Variants in CEP97 observed in about 807,000 individuals in gnomAD.
CEP97 encodes the protein centrosomal protein of 97 kDa.
A neutral mutation model predicts 73.1 loss-of-function variants in CEP97; 43 were observed. The ratio of observed to expected loss-of-function variants is 0.59; its 90% CI spans 0.46 to 0.76. CEP97 has a LOEUF of 0.76. Ranked by LOEUF, CEP97 falls within the 30% of genes least tolerant of loss-of-function variation. CEP97 has a pLI of 0.00. For synonymous variants in CEP97, 337 were observed against 370.0 expected (o/e 0.91, Z 1.02); for missense variants, 939 against 1,014.0 (o/e 0.93, Z 1.00).
Position 101,758,307 on chromosome 3 carries a change from C to G in CEP97, c.1701C>G (p.Ala567=). Residue 567 remains alanine (A), a synonymous_variant, in exon 9 of 11, where the codon GCC becomes GCG. Transcript: ENST00000341893. The part of the protein sequence containing the change: ...KLNDAATKLQ[A]CWRGFYARNY... ...ATGATGCAGCCACCAAGCTTCAGGC[C>G]TGTTGGCGGGGATTTTATGCCAGGA... The G allele has an allele frequency of 6.2e-7, 1 of 1,614,212 alleles. No individual in the cohort carries two copies. Among genetic ancestry groups the G allele is most frequent in the Non-Finnish European group, 8.5e-7 (1 of 1,180,036 alleles).
At chr3:101,753,898 G>A (rs956123333) in intron 6 of CEP97, among the ~76,000 whole-genome samples, 1 of 152,192 alleles carries the variant, frequency 6.6e-6, no homozygotes, top group Non-Finnish European at 1.5e-5. Context: ...TGCGCACGGT[G>A]CGCTGCACCC....
Position 101,768,230 on chromosome 3 carries a change from C to T in CEP97, c.*2679C>T, listed in dbSNP as rs904709011. ...TTGTTTCAAAGATGAAACTAAAGCACAGCATGTTAAATGACTTGTCTAAGT... is the reference window on the plus strand; with the variant it reads ...TTGTTTCAAAGATGAAACTAAAGCATAGCATGTTAAATGACTTGTCTAAGT... On this transcript the variant is annotated 3_prime_UTR_variant, in exon 11 of 11. Transcript: ENST00000341893. 6.6e-6 allele frequency: 1 copy of T among 152,182 alleles called. No homozygotes were observed. The highest frequency in any genetic ancestry group is 6.5e-5 in the Admixed American group (1 of 15,272). The allele number at this position is 152,182 out of a possible 1,614,324, so 9.4% of individuals were successfully genotyped here. A position where few individuals can be genotyped will look rare whatever the true frequency, so the allele number is the denominator to read the frequency against.
At chr3:101,746,086 CATT>C (rs1938605497) in intron 6 of CEP97, among the ~76,000 whole-genome samples, 1 of 152,174 alleles carries the variant, frequency 6.6e-6, no homozygotes, top group East Asian at 1.9e-4. Context: ...GACATGAACT[CATT>C]ATTTTTTATG....
chr3:101,732,457 T>C (rs1233201297), intron 5 of CEP97, 31 bp from the exon 6 acceptor site: 11 of 1,550,420 alleles, frequency 7.1e-6, no homozygotes, highest in African/African-American at 1.4e-5. Flanking sequence ...TGAATAGTCC[T>C]TTTGTTCAAC....
intron 6 of CEP97, among the ~76,000 whole-genome samples, chr3:101,751,879 G>C (rs1269492609): frequency 6.6e-6 from 1 of 152,074 alleles, no homozygotes; most frequent in African/African-American, 2.4e-5. Flanking sequence ...TTGCCAGTCT[G>C]TGTCTTTTAA....
chr3:101,724,834 G>T lies in CEP97; in HGVS notation c.43+115G>T, dbSNP rs979409201. 20 of 1,106,092 alleles carry T rather than the reference G, an allele frequency of 1.8e-5. No individual in the cohort carries two copies. The African/African-American group carries it at 3.0e-4, about 17-fold the overall frequency. The allele number at this position is 1,106,092 out of a possible 1,614,324, so 68.5% of individuals were successfully genotyped here. On this transcript the variant is annotated intron_variant, in intron 1 of 10. Transcript: ENST00000341893. ...GTTCTGGACCAGTTCTTTTGATGCGGATCTGTGGTCGTCGCGGAGGCGGGC... is the reference window on the plus strand; with the variant it reads ...GTTCTGGACCAGTTCTTTTGATGCGTATCTGTGGTCGTCGCGGAGGCGGGC...
rs568538909 is a variant in CEP97, at chr3:101,760,870, A to T, written c.1818-1615A>T. On this transcript the variant is annotated intron_variant, in intron 9 of 10. Transcript: ENST00000341893. ...TTATTTTTATTTTTTATCTAAAAAAATTTTTTTTTGAGATGGAGTCTTGCT... is the reference window on the plus strand; with the variant it reads ...TTATTTTTATTTTTTATCTAAAAAATTTTTTTTTTGAGATGGAGTCTTGCT... Among the ~76,000 whole-genome samples, 57 of 151,084 alleles carry T rather than the reference A, an allele frequency of 3.8e-4. No individual in the cohort carries two copies. The South Asian group carries it at 8.8e-3, about 23-fold the overall frequency.
At chr3:101,735,335 G>A (rs1055403406) in intron 6 of CEP97, among the ~76,000 whole-genome samples, 2 of 152,136 alleles carry the variant, frequency 1.3e-5, no homozygotes, top group African/African-American at 2.4e-5. Context: ...GGAAGAGTGG[G>A]CTCCCACTTG....
chr3:101,752,246 G>A (rs1938852162), intron 6 of CEP97, among the ~76,000 whole-genome samples: 1 of 152,204 alleles, frequency 6.6e-6, no homozygotes, highest in African/African-American at 2.4e-5. Context: ...GGCTTGTAGA[G>A]TTTCTGCCGA....
intron 6 of CEP97, among the ~76,000 whole-genome samples, chr3:101,748,633 C>T (rs911490060): frequency 6.6e-6 from 1 of 152,196 alleles, no homozygotes; most frequent in African/African-American, 2.4e-5. Flanking sequence ...GGGATGTTTC[C>T]ATGGAAGAAT....
At chr3:101,725,206 C>T (rs749294986) in intron 1 of CEP97, among the ~76,000 whole-genome samples, 1 of 152,178 alleles carries the variant, frequency 6.6e-6, no homozygotes, top group African/African-American at 2.4e-5. Context: ...GTGATAAAAT[C>T]TAAGGGATGA....
intron 3 of CEP97, among the ~76,000 whole-genome samples, chr3:101,728,237 A>G (rs537090046): frequency 6.6e-5 from 10 of 151,076 alleles, no homozygotes; most frequent in East Asian, 5.8e-4. Context: ...ACCAACTGTC[A>G]TATATTATTA....
intron 6 of CEP97, among the ~76,000 whole-genome samples, chr3:101,748,726 C>A (rs990201508): frequency 6.6e-6 from 1 of 152,138 alleles, no homozygotes; most frequent in African/African-American, 2.4e-5. Flanking sequence ...CTGCAAGCTC[C>A]GCCTCCTGGG....
In CEP97 at chr3:101,750,698, G is replaced by A. The variant is rs532405705; in HGVS notation, c.729-4732G>A. ...CTTCTTGATTTTCTAGTTTATTTGC[G>A]TAGAGGTGTTTGTAGTATTCTCTGA... On this transcript the variant is annotated intron_variant, in intron 6 of 10. Transcript: ENST00000341893. Among the ~76,000 whole-genome samples the A allele has an allele frequency of 3.9e-3, 598 of 152,228 alleles. 4 individuals are homozygous for A. Among genetic ancestry groups the A allele is most frequent in the African/African-American group, 0.013 (523 of 41,540 alleles).
At chr3:101,732,086 C>G in intron 5 of CEP97, 133 bp downstream of exon 5, 1 of 634,060 alleles carries the variant, frequency 1.6e-6, no homozygotes, top group Non-Finnish European at 2.8e-6. Context: ...ATGCTTGGCT[C>G]TAGATCTTTC....
chr3:101,747,336 T>C (rs1365870038), intron 6 of CEP97, among the ~76,000 whole-genome samples: 2 of 149,246 alleles, frequency 1.3e-5, no homozygotes, highest in Non-Finnish European at 3.0e-5. Context: ...CTCGGCTCAC[T>C]GCAAGCTCTG....
chr3:101,744,291 GA>G (rs900864727), intron 6 of CEP97, among the ~76,000 whole-genome samples: 25 of 144,722 alleles, frequency 1.7e-4, no homozygotes, highest in African/African-American at 3.3e-4. Flanking sequence ...CTCAAAAAAA[GA>G]AAAAAAAAAG....
Position 101,726,837 on chromosome 3 carries a change from C to T in CEP97, c.186+101C>T, listed in dbSNP as rs572295988. ...AAAGTAACTGTGCAGCCCTAGCAAG[C>T]AGTCATTGTTGCCTTAAATTTTTAC... On this transcript the variant is annotated intron_variant, in intron 2 of 10. Coordinates refer to ENST00000341893, the MANE Select transcript of CEP97 (RefSeq NM_024548.4). 20 of 820,356 alleles carry T rather than the reference C, an allele frequency of 2.4e-5. No individual in the cohort carries two copies. The South Asian group carries it at 3.7e-4, about 15-fold the overall frequency. 50.8% of individuals were successfully genotyped at this position (820,356 alleles called of 1,614,324 possible).
Position 101,728,910 on chromosome 3 carries a change from T to C in CEP97, c.420T>C (p.Gly140=), listed in dbSNP as rs570434533. ...CAGACAATAATATATCCCAGATAGGTGATCTATCTAAATTGGTATCCCTGA... is the reference window on the plus strand; with the variant it reads ...CAGACAATAATATATCCCAGATAGGCGATCTATCTAAATTGGTATCCCTGA... The part of the protein sequence containing the change: ...DLSDNNISQI[G]DLSKLVSLKT... The change falls in exon 4 of 11, where the codon GGT becomes GGC. Residue 140 remains glycine (G), a synonymous_variant. Coordinates refer to ENST00000341893, the MANE Select transcript of CEP97 (RefSeq NM_024548.4). 1 of 1,585,548 alleles carries C rather than the reference T, an allele frequency of 6.3e-7. No individual in the cohort carries two copies. The highest frequency in any genetic ancestry group is 2.2e-5 in the East Asian group (1 of 44,724).
Sources: allele counts gnomAD v4.1 joint callset (sites outside exome capture counted in the v4.1 genomes callset), GRCh38; gene constraint gnomAD v4.1.1; transcripts MANE v1.5; gene names NCBI Gene and HGNC (gene_info 2026-07-23, HGNC 2026-07-21).